The following CDH18 variants were observed in gnomAD, a reference collection of about 807,000 sequenced individuals.
CDH18 encodes cadherin 18.
A neutral mutation model predicts 67.9 loss-of-function variants in CDH18; 31 were observed. The ratio of observed to expected loss-of-function variants is 0.46; its 90% CI spans 0.34 to 0.62. The LOEUF (loss-of-function observed/expected upper bound fraction) is 0.62, where lower values mean the gene tolerates loss of function less well. CDH18 is among the 20% of genes least tolerant of loss of function. CDH18 has a pLI of 0.01. For synonymous variants in CDH18, 362 were observed against 347.2 expected (o/e 1.04, Z -0.48); for missense variants, 890 against 975.5 (o/e 0.91, Z 1.17).
intron 5 of CDH18, among the ~76,000 whole-genome samples, chr5:19,646,995 A>T (rs1177844135): frequency 1.3e-5 from 2 of 152,182 alleles, no homozygotes; most frequent in African/African-American, 2.4e-5. Context: ...GGAAGGAAAT[A>T]GCACTGAAAC....
At chr5:20,511,550 C>T (rs991419391) in intron 1 of CDH18, among the ~76,000 whole-genome samples, 1 of 152,168 alleles carries the variant, frequency 6.6e-6, no homozygotes, top group African/African-American at 2.4e-5. Context: ...GATATAACCC[C>T]TATGAACAGT....
chr5:19,972,036 T>A (rs981851023), intron 2 of CDH18, among the ~76,000 whole-genome samples: 1 of 152,044 alleles, frequency 6.6e-6, no homozygotes, highest in African/African-American at 2.4e-5. Flanking sequence ...TGGTTGTCAA[T>A]AACTGTATTT....
intron 1 of CDH18, among the ~76,000 whole-genome samples, chr5:20,334,370 C>T (rs1345393099): frequency 6.6e-6 from 1 of 151,568 alleles, no homozygotes; most frequent in Non-Finnish European, 1.5e-5. Flanking sequence ...ATCTCCTGAC[C>T]TCGTGATCCG....
chr5:20,432,463 T>C (rs1748819581), intron 1 of CDH18, among the ~76,000 whole-genome samples: 1 of 152,134 alleles, frequency 6.6e-6, no homozygotes, highest in Admixed American at 6.6e-5. Flanking sequence ...GAACTCTAAG[T>C]AGAGAGATTT....
chr5:19,799,450 AC>A (rs1581401641), intron 3 of CDH18, among the ~76,000 whole-genome samples: 2 of 151,736 alleles, frequency 1.3e-5, no homozygotes, highest in East Asian at 3.9e-4. Context: ...ACACACACAC[AC>A]ACACACACAC....
intron 5 of CDH18, among the ~76,000 whole-genome samples, chr5:19,696,407 CAACCTG>C (rs1762548319): frequency 6.6e-6 from 1 of 151,716 alleles, no homozygotes; most frequent in East Asian, 2.0e-4. Flanking sequence ...TGTGGTGGCA[CAACCTG>C]TAGTCCCAGC....
intron 1 of CDH18, among the ~76,000 whole-genome samples, chr5:20,502,464 G>C (rs1754395210): frequency 6.6e-6 from 1 of 152,076 alleles, no homozygotes; most frequent in Non-Finnish European, 1.5e-5. Flanking sequence ...ACTGTCCCTA[G>C]TTCTTCAATT....
At chr5:19,593,686 T>TCTC (rs1158515144) in intron 6 of CDH18, among the ~76,000 whole-genome samples, 3 of 14,752 alleles carry the variant, frequency 2.0e-4, no homozygotes, top group Non-Finnish European at 4.3e-4. Context: ...TCCTCCTCCT[T>TCTC]CTCTTCCTCT....
chr5:19,770,988 G>A (rs1356285670), intron 3 of CDH18, among the ~76,000 whole-genome samples: 1 of 152,134 alleles, frequency 6.6e-6, no homozygotes, highest in African/African-American at 2.4e-5. Context: ...AGTTAAAAAT[G>A]GACACATCAA....
chr5:20,219,565 C>T (rs894213751), intron 2 of CDH18, among the ~76,000 whole-genome samples: 62 of 148,314 alleles, frequency 4.2e-4, no homozygotes, highest in African/African-American at 1.5e-3. Flanking sequence ...TCCTGATAAA[C>T]ATTGACACAA....
intron 1 of CDH18, among the ~76,000 whole-genome samples, chr5:19,986,224 A>T (rs1239590916): frequency 6.6e-6 from 1 of 152,224 alleles, no homozygotes; most frequent in Non-Finnish European, 1.5e-5. Flanking sequence ...TAATTTCCAG[A>T]TTGCACAATG....
intron 2 of CDH18, among the ~76,000 whole-genome samples, chr5:20,139,350 A>T (rs1750034021): frequency 6.6e-6 from 1 of 152,138 alleles, no homozygotes; most frequent in East Asian, 1.9e-4. Context: ...TTAGACCTAA[A>T]ACCATAAAAA....
intron 1 of CDH18, among the ~76,000 whole-genome samples, chr5:20,468,017 T>TTTA (rs1394276784): frequency 6.6e-6 from 1 of 150,982 alleles, no homozygotes; most frequent in East Asian, 1.9e-4. Context: ...TATTTATTTA[T>TTTA]TTATTTATTA....
intron 1 of CDH18, among the ~76,000 whole-genome samples, chr5:20,264,198 G>A (rs1449383240): frequency 6.6e-6 from 1 of 151,988 alleles, no homozygotes; most frequent in African/African-American, 2.4e-5. Context: ...CAGTTTAAAT[G>A]CTACAACCAG....
At chr5:20,390,401 T>C (rs1009965351) in intron 1 of CDH18, among the ~76,000 whole-genome samples, 5 of 152,300 alleles carry the variant, frequency 3.3e-5, no homozygotes, top group Admixed American at 2.0e-4. Context: ...TCATCATCAC[T>C]GGCCATCAAA....
At chr5:19,820,760 C>T (rs574573164) in intron 3 of CDH18, among the ~76,000 whole-genome samples, 2 of 152,182 alleles carry the variant, frequency 1.3e-5, no homozygotes, top group Non-Finnish European at 2.9e-5. Context: ...TGAATTGTAC[C>T]ACCAAATAAA....
intron 5 of CDH18, among the ~76,000 whole-genome samples, chr5:19,686,164 C>T (rs986369808): frequency 3.9e-5 from 6 of 151,940 alleles, no homozygotes; most frequent in African/African-American, 1.5e-4. Context: ...TTCTTAAAAA[C>T]CAGCACGCAA....
intron 2 of CDH18, among the ~76,000 whole-genome samples, chr5:19,900,274 A>C (rs1789803433): frequency 1.3e-5 from 2 of 152,126 alleles, no homozygotes; most frequent in Admixed American, 1.3e-4. Flanking sequence ...GTGATTTGTC[A>C]GTGGGTACAT....
intron 1 of CDH18, among the ~76,000 whole-genome samples, chr5:20,322,523 T>C (rs1021896956): frequency 2.0e-5 from 3 of 152,142 alleles, no homozygotes; most frequent in Non-Finnish European, 2.9e-5. Context: ...TTTCTCTTCC[T>C]CAGTTTACAT....
Sources: allele counts gnomAD v4.1 joint callset (sites outside exome capture counted in the v4.1 genomes callset), GRCh38; gene constraint gnomAD v4.1.1; transcripts MANE v1.5; gene names NCBI Gene and HGNC (gene_info 2026-07-23, HGNC 2026-07-21).